Variants in COA1 observed in about 807,000 individuals in gnomAD.
The protein encoded by COA1 is cytochrome c oxidase assembly factor 1 homolog.
A neutral mutation model predicts 16.0 loss-of-function variants in COA1; 13 were observed. That is an observed-to-expected ratio of 0.81 (90% CI 0.53 to 1.29). The LOEUF is 1.29. Ranked by LOEUF, COA1 falls within the 50% of genes most tolerant of loss-of-function variation. The pLI is 0.00. For missense variants in COA1, 179 were observed against 177.0 expected, an observed-to-expected ratio of 1.01 and a Z score of -0.06; for synonymous variants, 65 against 65.7, an observed-to-expected ratio of 0.99 and a Z score of 0.05.
At chr7:43,646,464 G>A in intron 3 of COA1, 1 of 432,518 alleles carries the variant, frequency 2.3e-6, no homozygotes, top group Non-Finnish European at 4.7e-6. Flanking sequence ...CTAATGCCCA[G>A]AAAGGTGACG....
At chr7:43,709,361 G>A (rs1275916196) in intron 1 of COA1, among the ~76,000 whole-genome samples, 3 of 151,574 alleles carry the variant, frequency 2.0e-5, no homozygotes, top group Non-Finnish European at 2.9e-5. Context: ...GCCTTTCACA[G>A]GTAGATCTAC....
chr7:43,614,186 A>G (rs1047824807), intron 6 of COA1, among the ~76,000 whole-genome samples: 1 of 152,236 alleles, frequency 6.6e-6, no homozygotes, highest in Non-Finnish European at 1.5e-5. Flanking sequence ...GTGATTGTTC[A>G]GTAAACGTTA....
intron 1 of COA1, among the ~76,000 whole-genome samples, chr7:43,667,579 T>G (rs952927126): frequency 2.6e-5 from 4 of 152,210 alleles, no homozygotes; most frequent in Non-Finnish European, 5.9e-5. Flanking sequence ...ACAATTGTCT[T>G]GCTTTGTTCC....
chr7:43,633,684 A>G (rs1013796003), intron 6 of COA1, among the ~76,000 whole-genome samples: 1 of 152,250 alleles, frequency 6.6e-6, no homozygotes, highest in Non-Finnish European at 1.5e-5. Context: ...GTCGCCACAA[A>G]CCCACAATTT....
chr7:43,663,781 T>G (rs1312781042), intron 1 of COA1, among the ~76,000 whole-genome samples: 2 of 151,916 alleles, frequency 1.3e-5, no homozygotes, highest in Non-Finnish European at 1.5e-5. Context: ...TATTAATATC[T>G]TCTATGAATT....
chr7:43,659,776 C>G (rs2092241599), intron 1 of COA1, among the ~76,000 whole-genome samples: 1 of 152,094 alleles, frequency 6.6e-6, no homozygotes, highest in Admixed American at 6.5e-5. Context: ...TTACATAGCC[C>G]CCCATTCTAT....
At chr7:43,635,167 C>T (rs2153047170), downstream of COA1, among the ~76,000 whole-genome samples, 1 of 152,182 alleles carries the variant, frequency 6.6e-6, no homozygotes, top group South Asian at 2.1e-4. Context: ...TAAATATTGA[C>T]TCAGTCAAAC....
intron 1 of COA1, among the ~76,000 whole-genome samples, chr7:43,706,713 T>A (rs574416843): frequency 6.6e-6 from 1 of 150,868 alleles, no homozygotes; most frequent in Admixed American, 6.6e-5. Flanking sequence ...CACAAAAAAA[T>A]AGAAAAATTA....
chr7:43,673,811 C>T (rs1299209504), intron 1 of COA1, among the ~76,000 whole-genome samples: 1 of 152,052 alleles, frequency 6.6e-6, no homozygotes, highest in African/African-American at 2.4e-5. Context: ...TAATATGTAG[C>T]CATAAAAAAG....
intron 1 of COA1, among the ~76,000 whole-genome samples, chr7:43,668,218 T>C (rs2093013161): frequency 6.6e-6 from 1 of 152,190 alleles, no homozygotes. Flanking sequence ...AATGTCACTT[T>C]CTAACAGGTC....
In COA1 at chr7:43,647,551, C is replaced by T. The variant is rs765466396; in HGVS notation, c.99G>A (p.Val33=). ...GVFYAGGFAI[V]YYLIQKFHSR... ...GATACTTACTTTGAATGAGGTAATA[C>T]ACAATGGCAAAGCCCCCGGCATAGA... is the stretch of plus-strand genomic sequence containing the variant. Residue 33 remains valine, a synonymous_variant, in exon 3 of 6, where the codon GTG becomes GTA. Coordinates refer to ENST00000223336, the MANE Select transcript of COA1 (RefSeq NM_018224.4). 5.6e-6 allele frequency: 9 copies of T among 1,613,754 alleles called. No individual in the cohort carries two copies. The Middle Eastern group carries it at 1.2e-3, about 207-fold the overall frequency.
chr7:43,711,927 C>T (rs1460932628), intron 1 of COA1, among the ~76,000 whole-genome samples: 1 of 152,062 alleles, frequency 6.6e-6, no homozygotes, highest in Non-Finnish European at 1.5e-5. Context: ...TGTGTGAATA[C>T]GAAGAGAAAC....
At chr7:43,691,072 A>AAAAAAAAC (rs1563379693) in intron 1 of COA1, among the ~76,000 whole-genome samples, 26 of 105,418 alleles carry the variant, frequency 2.5e-4, no homozygotes, top group African/African-American at 1.0e-3. Context: ...AAAAAAAAAA[A>AAAAAAAAC]AAAAACAAAA....
intron 6 of COA1, among the ~76,000 whole-genome samples, chr7:43,624,049 G>A (rs2084218447): frequency 6.6e-6 from 1 of 152,114 alleles, no homozygotes; most frequent in Non-Finnish European, 1.5e-5. Context: ...AAATCTAGGT[G>A]AAACCCTTGG....
intron 3 of COA1, 123 bp from the exon 4 acceptor site, chr7:43,645,522 G>A (rs1638818102): frequency 1.2e-6 from 1 of 848,408 alleles, no homozygotes; most frequent in Non-Finnish European, 1.9e-6. Flanking sequence ...TCTGTGGATG[G>A]ACGAATAATT....
chr7:43,661,592 G>A (rs1003758504), intron 1 of COA1, among the ~76,000 whole-genome samples: 4 of 151,304 alleles, frequency 2.6e-5, no homozygotes, highest in South Asian at 2.1e-4. Flanking sequence ...AGCCGAGATC[G>A]CGCCACCGCA....
At chr7:43,674,192 G>A (rs2093406224) in intron 1 of COA1, among the ~76,000 whole-genome samples, 1 of 152,146 alleles carries the variant, frequency 6.6e-6, no homozygotes, top group African/African-American at 2.4e-5. Flanking sequence ...TTCCTAAGTA[G>A]AATTTTTAAG....
chr7:43,711,126 G>GTGGTT (rs2095233850), intron 1 of COA1, among the ~76,000 whole-genome samples: 1 of 151,630 alleles, frequency 6.6e-6, no homozygotes, highest in Admixed American at 6.6e-5. Context: ...CAGAAATCTT[G>GTGGTT]TGGTTTGGTT....
Position 43,710,392 on chromosome 7 carries a change from ATATT to A in COA1, c.-39+19033_-39+19036del, listed in dbSNP as rs1490820600. 7.2e-5 allele frequency among the ~76,000 whole-genome samples: 10 copies of A among 138,018 alleles called. 1 individual carries two copies. The highest frequency in any genetic ancestry group is 2.3e-4 in the South Asian group (1 of 4,438). The allele number at this position is 138,018 out of a possible 152,430, so 90.5% of individuals were successfully genotyped here. On this transcript the variant is annotated intron_variant, in intron 1 of 5. Coordinates refer to ENST00000223336, the MANE Select transcript of COA1 (RefSeq NM_018224.4). ...AAAAAAAAAATATATATATATATAT[ATATT>A]TTTAAGATATGTCCTAAACAGTTGA... is the stretch of plus-strand genomic sequence containing the variant.
Sources: allele counts gnomAD v4.1 joint callset (sites outside exome capture counted in the v4.1 genomes callset), GRCh38; gene constraint gnomAD v4.1.1; transcripts MANE v1.5; gene names NCBI Gene and HGNC (gene_info 2026-07-23, HGNC 2026-07-21).